HSDL2: variants seen among roughly 807,000 people sequenced by gnomAD.
The protein encoded by HSDL2 is hydroxysteroid dehydrogenase-like protein 2.
HSDL2 carries 27 observed loss-of-function variants against 46.3 expected under a neutral mutation model. The observed-to-expected ratio is 0.58, with a 90% confidence interval of 0.43 to 0.80. The LOEUF (loss-of-function observed/expected upper bound fraction) is 0.80, where lower values mean the gene tolerates loss of function less well. Among genes scored for constraint, HSDL2 ranks in the 30% least tolerant of loss-of-function variants. The pLI, the probability that HSDL2 is intolerant of heterozygous loss-of-function variation, is 0.00. For missense variants in HSDL2, 451 were observed against 502.7 expected (o/e 0.90, Z 0.98); for synonymous variants, 153 against 163.6 (o/e 0.94, Z 0.50).
At chr9:112,445,182 T>C (rs1335187341) in intron 8 of HSDL2, among the ~76,000 whole-genome samples, 1 of 151,860 alleles carries the variant, frequency 6.6e-6, no homozygotes, top group East Asian at 2.0e-4. Flanking sequence ...CTGGGCCTAT[T>C]TTCCTTCAGT....
chr9:112,387,639 G>GT (rs1564100829), intron 1 of HSDL2, among the ~76,000 whole-genome samples: 1 of 151,940 alleles, frequency 6.6e-6, no homozygotes, highest in African/African-American at 2.4e-5. Context: ...AAGAGTCTTC[G>GT]TTTTTGCACT....
intron 6 of HSDL2, among the ~76,000 whole-genome samples, chr9:112,421,303 T>C (rs1248176504): frequency 6.6e-6 from 1 of 152,056 alleles, no homozygotes. Flanking sequence ...CTCTAGCCTT[T>C]TGAGACAGGA....
chr9:112,445,350 T>C lies in HSDL2; in HGVS notation c.865+3580T>C, dbSNP rs141438107. On this transcript the variant is annotated intron_variant, in intron 8 of 10. Coordinates refer to ENST00000398805, the MANE Select transcript of HSDL2 (RefSeq NM_032303.5). ...GAGACCTTGTTAAGTTTGTCCTCTG[T>C]ATTAAAAAGGACAGTCTGATAAGAT... Among the ~76,000 whole-genome samples the C allele has an allele frequency of 6.9e-3, 1,048 of 152,296 alleles. 16 individuals carry two copies. Among genetic ancestry groups the C allele is most frequent in the African/African-American group, 0.024 (984 of 41,560 alleles).
intron 9 of HSDL2, among the ~76,000 whole-genome samples, chr9:112,456,042 C>G (rs1317562272): frequency 2.0e-5 from 3 of 152,154 alleles, no homozygotes; most frequent in Non-Finnish European, 4.4e-5. Flanking sequence ...TATTGCAGTC[C>G]ATGGATCATA....
At chr9:112,445,883 C>T (rs1832747563) in intron 8 of HSDL2, among the ~76,000 whole-genome samples, 1 of 152,102 alleles carries the variant, frequency 6.6e-6, no homozygotes, top group Admixed American at 6.5e-5. Context: ...TGAGAAGGTA[C>T]AGAAATATCA....
chr9:112,402,749 C>T (rs548628776), intron 1 of HSDL2, among the ~76,000 whole-genome samples: 2 of 152,016 alleles, frequency 1.3e-5, no homozygotes, highest in African/African-American at 4.8e-5. Flanking sequence ...GGTGAAATCA[C>T]GTCTCTGCTA....
intron 3 of HSDL2, among the ~76,000 whole-genome samples, chr9:112,407,969 G>A (rs973179485): frequency 7.2e-5 from 11 of 152,134 alleles, no homozygotes; most frequent in Non-Finnish European, 1.5e-4. Context: ...AGCAAAACTT[G>A]TTGGTTATAG....
At chr9:112,455,225 C>G (rs143671809) in intron 9 of HSDL2, among the ~76,000 whole-genome samples, 1 of 151,584 alleles carries the variant, frequency 6.6e-6, no homozygotes, top group Non-Finnish European at 1.5e-5. Flanking sequence ...GCCTGGGCAA[C>G]ATAGTGAGAC....
At chr9:112,459,808 A>C (rs1243495441) in intron 10 of HSDL2, among the ~76,000 whole-genome samples, 1 of 152,172 alleles carries the variant, frequency 6.6e-6, no homozygotes, top group Non-Finnish European at 1.5e-5. Flanking sequence ...CCAGTAATAT[A>C]ATGTTGGGAA....
intron 4 of HSDL2, among the ~76,000 whole-genome samples, chr9:112,409,733 G>T (rs1395912073): frequency 6.6e-6 from 1 of 151,948 alleles, no homozygotes; most frequent in African/African-American, 2.4e-5. Flanking sequence ...TGTGGTGGTG[G>T]TCTCATCTAC....
At chr9:112,424,525 C>T (rs879698033) in intron 6 of HSDL2, among the ~76,000 whole-genome samples, 10 of 151,704 alleles carry the variant, frequency 6.6e-5, no homozygotes, top group Non-Finnish European at 1.3e-4. Context: ...CTTTTTCTTG[C>T]TTTACTGCAC....
intron 10 of HSDL2, among the ~76,000 whole-genome samples, chr9:112,465,617 A>G (rs530927007): frequency 6.6e-6 from 1 of 152,304 alleles, no homozygotes; most frequent in Admixed American, 6.5e-5. Flanking sequence ...ATTGATTTGC[A>G]TATTCTGAAT....
At chr9:112,467,784 G>T (rs1219098287) in intron 10 of HSDL2, among the ~76,000 whole-genome samples, 1 of 152,084 alleles carries the variant, frequency 6.6e-6, no homozygotes, top group South Asian at 2.1e-4. Flanking sequence ...ATCAGCTTGT[G>T]TCAGTCCACT....
At chr9:112,413,944 C>T (rs1174345708) in intron 4 of HSDL2, 3 of 206,432 alleles carry the variant, frequency 1.5e-5, no homozygotes, top group Non-Finnish European at 2.0e-5. Flanking sequence ...GTATTTGTCC[C>T]GGTTGGCTAG....
intron 9 of HSDL2, among the ~76,000 whole-genome samples, chr9:112,456,556 G>A (rs1342124339): frequency 1.3e-5 from 2 of 152,012 alleles, no homozygotes; most frequent in African/African-American, 2.4e-5. Flanking sequence ...CTTAAGCAAT[G>A]TTCTTCAGGT....
intron 6 of HSDL2, among the ~76,000 whole-genome samples, chr9:112,436,852 A>G (rs1210003804): frequency 2.0e-5 from 3 of 152,128 alleles, no homozygotes; most frequent in African/African-American, 7.2e-5. Context: ...AAGTACACCT[A>G]ACATGGTAAA....
Position 112,398,470 on chromosome 9 carries a change from T to G in HSDL2, c.18-5525T>G, listed in dbSNP as rs368986050. Among the ~76,000 whole-genome samples, 83 of 151,670 alleles carry G rather than the reference T, an allele frequency of 5.5e-4. 1 individual carries two copies. The highest frequency in any genetic ancestry group is 1.8e-3 in the African/African-American group (75 of 41,308). On this transcript the variant is annotated intron_variant, in intron 1 of 10. Coordinates refer to ENST00000398805, the MANE Select transcript of HSDL2 (RefSeq NM_032303.5). ...AGTACCGGCTCCTCATGAAAAGAAA[T>G]AAGATCATTGGGGGTGACGTTAAGC... is the stretch of plus-strand genomic sequence containing the variant.
intron 4 of HSDL2, 66 bp from the exon 5 acceptor site, chr9:112,416,774 TA>T (rs578174003): frequency 0.016 from 9,808 of 626,328 alleles, no homozygotes; most frequent in South Asian, 0.024. Context: ...CCCCCTCTCT[TA>T]AAAAAAAAAG....
chr9:112,466,423 G>A (rs1009738392), intron 10 of HSDL2, among the ~76,000 whole-genome samples: 5 of 152,054 alleles, frequency 3.3e-5, no homozygotes, highest in Non-Finnish European at 5.9e-5. Flanking sequence ...CATGGTGGCA[G>A]GTGCATGTAA....
Sources: allele counts gnomAD v4.1 joint callset (sites outside exome capture counted in the v4.1 genomes callset), GRCh38; gene constraint gnomAD v4.1.1; transcripts MANE v1.5; gene names NCBI Gene and HGNC (gene_info 2026-07-23, HGNC 2026-07-21).